The following MED27 variants were observed in gnomAD, a reference collection of about 807,000 sequenced individuals.
The protein encoded by MED27 is mediator complex subunit 27, also known as mediator of RNA polymerase II transcription subunit 27.
MED27 carries 30 observed loss-of-function variants against 38.2 expected under a neutral mutation model. The ratio of observed to expected loss-of-function variants is 0.79; its 90% CI spans 0.59 to 1.07. MED27 has a LOEUF of 1.07. Ranked by LOEUF, MED27 falls within the 50% of genes least tolerant of loss-of-function variation. MED27 has a pLI of 0.00. For missense variants in MED27, 289 were observed against 397.5 expected, an observed-to-expected ratio of 0.73 and a Z score of 2.32; for synonymous variants, 122 against 153.5, an observed-to-expected ratio of 0.79 and a Z score of 1.52.
intron 4 of MED27, among the ~76,000 whole-genome samples, chr9:131,896,726 A>T (rs1012163523): frequency 4.6e-5 from 7 of 151,734 alleles, no homozygotes; most frequent in African/African-American, 1.7e-4. Context: ...ATATATATAT[A>T]TTTTCTTTCT....
At position 131,945,526 on chromosome 9, in the gene MED27, A is replaced by G. The variant is rs970348370; in HGVS notation, c.480-6052T>C. Among the ~76,000 whole-genome samples, 11 of 152,120 alleles carry G rather than the reference A, an allele frequency of 7.2e-5. 1 individual carries two copies. Among genetic ancestry groups the G allele is most frequent in the African/African-American group, 1.9e-4 (8 of 41,418 alleles). ...CTACAGCTACCATGTTATACAATAG[A>G]TCTCTTGAATTTATTCCTCTTACCT... On this transcript the variant is annotated intron_variant, in intron 3 of 7. Coordinates refer to ENST00000292035, the MANE Select transcript of MED27 (RefSeq NM_004269.4).
Position 131,872,411 on chromosome 9 carries a change from T to C in MED27, c.724-9271A>G, listed in dbSNP as rs1838853834. 6.6e-6 allele frequency among the ~76,000 whole-genome samples: 1 copy of C among 152,226 alleles called. No individual in the cohort carries two copies. The highest frequency in any genetic ancestry group is 1.9e-4 in the East Asian group (1 of 5,196). On this transcript the variant is annotated intron_variant, in intron 6 of 7. Transcript: ENST00000292035. This position sits in a 1 kb window ranked among gnomAD's most constrained non-coding sequence, Gnocchi z 5.6. ...TCACAAGATTAGTAAACAGGGAAAG[T>C]TAAGTACTCAAGTGTTTAGAAGTTG...
intron 3 of MED27, among the ~76,000 whole-genome samples, chr9:131,992,318 G>T (rs1472060393): frequency 6.6e-6 from 1 of 152,142 alleles, no homozygotes; most frequent in Non-Finnish European, 1.5e-5. Flanking sequence ...TGTGAACATG[G>T]AAAACATCTC....
chr9:132,040,529 T>C (rs1403456448), intron 2 of MED27, among the ~76,000 whole-genome samples: 1 of 152,126 alleles, frequency 6.6e-6, no homozygotes, highest in Non-Finnish European at 1.5e-5. Context: ...GGGCTTTAGA[T>C]CTATACATTG....
intron 3 of MED27, among the ~76,000 whole-genome samples, chr9:131,949,084 T>C (rs552087619): frequency 6.6e-6 from 1 of 152,132 alleles, no homozygotes; most frequent in Non-Finnish European, 1.5e-5. Context: ...ACAAATACCA[T>C]CACAAAATAG....
At chr9:131,903,891 C>CTTTTTT (rs35837340) in intron 4 of MED27, among the ~76,000 whole-genome samples, 1 of 126,710 alleles carries the variant, frequency 7.9e-6, no homozygotes, top group Non-Finnish European at 1.7e-5. Context: ...CCACACACAG[C>CTTTTTT]TTTTTTTTTT....
intron 4 of MED27, among the ~76,000 whole-genome samples, chr9:131,902,932 TC>T (rs1307254644): frequency 6.6e-6 from 1 of 152,138 alleles, no homozygotes; most frequent in Admixed American, 6.5e-5. Flanking sequence ...TTGGCTCTGC[TC>T]CTTCCTGGCT....
At chr9:132,025,875 A>AGCTAAGTC (rs1342911200) in intron 2 of MED27, among the ~76,000 whole-genome samples, 1 of 152,224 alleles carries the variant, frequency 6.6e-6, no homozygotes, top group African/African-American at 2.4e-5. Context: ...TTAACACTTA[A>AGCTAAGTC]GCTAAGTCTT....
At chr9:132,069,041 G>T (rs7851262) in intron 2 of MED27, among the ~76,000 whole-genome samples, 48,018 of 152,098 alleles carry the variant, frequency 0.32, 7,858 homozygotes, top group East Asian at 0.4. Context: ...AAGGACAAAT[G>T]ACAGAGACAA....
At chr9:132,002,711 AGAGCAGC>A (rs1832265300) in intron 3 of MED27, among the ~76,000 whole-genome samples, 1 of 152,144 alleles carries the variant, frequency 6.6e-6, no homozygotes, top group Non-Finnish European at 1.5e-5. Flanking sequence ...CAGGAGTTCA[AGAGCAGC>A]CCAACCAACA....
At chr9:131,955,447 G>A (rs1270961906) in intron 3 of MED27, among the ~76,000 whole-genome samples, 1 of 152,056 alleles carries the variant, frequency 6.6e-6, no homozygotes, top group African/African-American at 2.4e-5. Flanking sequence ...GACAGATACA[G>A]AAAAATCACC....
chr9:132,022,371 A>G (rs983726940), intron 2 of MED27, among the ~76,000 whole-genome samples: 3 of 152,252 alleles, frequency 2.0e-5, no homozygotes, highest in African/African-American at 7.2e-5. Context: ...GAAGAATGAC[A>G]CATCTCAGGA....
chr9:131,970,820 G>A (rs1831460580), intron 3 of MED27, among the ~76,000 whole-genome samples: 1 of 152,218 alleles, frequency 6.6e-6, no homozygotes, highest in Non-Finnish European at 1.5e-5. Context: ...GAACAGTAGA[G>A]AAGACAAACA....
intron 2 of MED27, among the ~76,000 whole-genome samples, chr9:132,070,486 G>C (rs574915122): frequency 6.6e-6 from 1 of 152,300 alleles, no homozygotes; most frequent in African/African-American, 2.4e-5. Flanking sequence ...GAGCCCATAA[G>C]GCTGAAGCTG....
chr9:132,078,920 G>C (rs1834113699), intron 1 of MED27, among the ~76,000 whole-genome samples: 1 of 152,216 alleles, frequency 6.6e-6, no homozygotes, highest in Admixed American at 6.5e-5. Context: ...CTTAAAAAGT[G>C]TAAGTGAAGA....
chr9:131,930,514 TGAA>T (rs1830565095), intron 4 of MED27, among the ~76,000 whole-genome samples: 1 of 152,050 alleles, frequency 6.6e-6, no homozygotes, highest in Non-Finnish European at 1.5e-5. Context: ...GTATATCCTA[TGAA>T]AATATCCTTC....
chr9:132,076,314 G>A (rs988202367), intron 2 of MED27, among the ~76,000 whole-genome samples: 1 of 152,014 alleles, frequency 6.6e-6, no homozygotes, highest in Non-Finnish European at 1.5e-5. Context: ...GTCACTGGCA[G>A]TCCAGAGTTT....
chr9:131,919,384 A>AGGGC (rs1028114393), intron 4 of MED27, among the ~76,000 whole-genome samples: 1 of 152,084 alleles, frequency 6.6e-6, no homozygotes, highest in East Asian at 1.9e-4. Flanking sequence ...TAGGGAGCTG[A>AGGGC]GGGCCAAGTG....
chr9:131,951,899 G>C (rs1831006230), intron 3 of MED27, among the ~76,000 whole-genome samples: 1 of 152,168 alleles, frequency 6.6e-6, no homozygotes, highest in Non-Finnish European at 1.5e-5. Context: ...CTACATCAAT[G>C]CATTTCAGTT....
Sources: gnomAD v4.1 joint callset for allele counts (sites outside exome capture counted in the v4.1 genomes callset) on GRCh38, gnomAD v4.1.1 for gene constraint, Gnocchi (gnomAD v3.1) non-coding constraint, MANE v1.5 for transcripts, NCBI Gene and HGNC (gene_info 2026-07-23, HGNC 2026-07-21) for gene names.